The following ADIG variants were observed in gnomAD, a reference collection of about 807,000 sequenced individuals.
ADIG encodes the protein adipogenesis associated.
A neutral mutation model predicts 10.7 loss-of-function variants in ADIG; 12 were observed. The observed-to-expected ratio is 1.12, with a 90% confidence interval of 0.72 to 1.82. ADIG has a LOEUF of 1.82. ADIG is among the 40% of genes most tolerant of loss of function. The pLI is 0.00. For missense variants in ADIG, 72 were observed against 92.5 expected, an observed-to-expected ratio of 0.78 and a Z score of 0.91; for synonymous variants, 32 against 35.6, an observed-to-expected ratio of 0.90 and a Z score of 0.36.
At position 38,586,090 on chromosome 20, in the gene ADIG, T is replaced by C. The variant is rs747498524; in HGVS notation, c.186T>C (p.Ala62=). The stretch of plus-strand genomic sequence containing the variant: ...GGGAGCCCTGGAGCAAAGGCCCAGC[T>C]GAGTTTTGCTGGAAGGGGACACTCC... The part of the protein sequence containing the change: ...LDWEPWSKGP[A]EFCWKGTLHG... Residue 62 remains alanine, a synonymous_variant, in exon 2 of 3, where the codon GCT becomes GCC. Coordinates refer to ENST00000537425, the MANE Select transcript of ADIG (RefSeq NM_001393816.1). 6.2e-7 allele frequency: 1 copy of C among 1,609,716 alleles called. No individual in the cohort carries two copies. The highest frequency in any genetic ancestry group is 1.3e-5 in the African/African-American group (1 of 74,988).
chr20:38,582,510 T>C (rs1054644178), intron 1 of ADIG, among the ~76,000 whole-genome samples: 5 of 152,160 alleles, frequency 3.3e-5, no homozygotes, highest in Admixed American at 3.3e-4. Flanking sequence ...GGTCAGATGT[T>C]GTTGAGGCAG....
intron 1 of ADIG, chr20:38,585,550 A>G (rs183013664): frequency 3.8e-4 from 587 of 1,548,612 alleles, no homozygotes; most frequent in Admixed American, 6.3e-4. Context: ...CAGCTTAGTC[A>G]CCCAGATCTC....
intron 2 of ADIG, among the ~76,000 whole-genome samples, chr20:38,587,898 C>T (rs540555751): frequency 3.9e-5 from 6 of 152,134 alleles, no homozygotes; most frequent in African/African-American, 1.2e-4. Flanking sequence ...CCATCACGCC[C>T]GGCTAATTTT....
chr20:38,581,764 G>A (rs1158588727), intron 1 of ADIG, among the ~76,000 whole-genome samples: 4 of 152,234 alleles, frequency 2.6e-5, no homozygotes, highest in African/African-American at 9.6e-5. Context: ...TGAGCAGAGC[G>A]TGGGCTGGAT....
intron 1 of ADIG, among the ~76,000 whole-genome samples, chr20:38,584,881 G>A (rs943678045): frequency 3.3e-5 from 5 of 152,056 alleles, no homozygotes; most frequent in East Asian, 1.9e-4. Flanking sequence ...TGGTTCAAGC[G>A]ATTCTCCTGC....
At chr20:38,585,544 T>G in intron 1 of ADIG, 1 of 1,549,384 alleles carries the variant, frequency 6.5e-7, no homozygotes, top group South Asian at 1.2e-5. Context: ...CTCCCACAGC[T>G]TAGTCACCCA....
intron 1 of ADIG, among the ~76,000 whole-genome samples, chr20:38,584,078 C>G (rs187212142): frequency 6.6e-6 from 1 of 150,866 alleles, no homozygotes; most frequent in Admixed American, 6.6e-5. Flanking sequence ...GCCGCCTCCT[C>G]CCCACCACCC....
At chr20:38,585,546 A>G in intron 1 of ADIG, 1 of 1,549,442 alleles carries the variant, frequency 6.5e-7, no homozygotes, top group East Asian at 2.4e-5. Context: ...CCCACAGCTT[A>G]GTCACCCAGA....
intron 1 of ADIG, among the ~76,000 whole-genome samples, chr20:38,584,558 TG>T (rs1462278454): frequency 6.6e-6 from 1 of 152,032 alleles, no homozygotes; most frequent in African/African-American, 2.4e-5. Context: ...AACCGTGGAG[TG>T]GGGAGGCTGA....
intron 1 of ADIG, chr20:38,585,287 T>C: frequency 3.8e-6 from 3 of 782,704 alleles, no homozygotes; most frequent in Non-Finnish European, 6.0e-6. Context: ...CCCTCTTTTT[T>C]TCTCACCCTA....
At chr20:38,584,449 A>G (rs887554760) in intron 1 of ADIG, among the ~76,000 whole-genome samples, 1 of 152,224 alleles carries the variant, frequency 6.6e-6, no homozygotes, top group Non-Finnish European at 1.5e-5. Flanking sequence ...TGGGGCTGAA[A>G]CAGAAGAGTG....
rs1349945190 is a variant in ADIG at position 38,588,244 on chromosome 20, C to G, written c.*158C>G. ...TCCTCTTCAGACCGACATGTGAAAG[C>G]CTCCAGAGGTCCCAGCCCTTCTCCA... On this transcript the variant is annotated 3_prime_UTR_variant, in exon 3 of 3. Coordinates refer to ENST00000537425, the MANE Select transcript of ADIG (RefSeq NM_001393816.1). 5 of 1,304,418 alleles carry G rather than the reference C, an allele frequency of 3.8e-6. No individual in the cohort carries two copies. Among genetic ancestry groups the G allele is most frequent in the Non-Finnish European group, 5.1e-6 (5 of 988,958 alleles). The allele number at this position is 1,304,418 out of a possible 1,614,324, so 80.8% of individuals were successfully genotyped here. A position where few individuals can be genotyped will look rare whatever the true frequency, so the allele number is the denominator to read the frequency against.
chr20:38,585,507 G>T, intron 1 of ADIG: 2 of 1,550,628 alleles, frequency 1.3e-6, no homozygotes, highest in Non-Finnish European at 1.7e-6. Flanking sequence ...ATCAGACGGA[G>T]GGTCCGGGTC....
At chr20:38,586,209 C>A (rs541832612) in intron 2 of ADIG, 48 bp downstream of exon 2, 1 of 1,471,644 alleles carries the variant, frequency 6.8e-7, no homozygotes, top group African/African-American at 1.4e-5. Flanking sequence ...CCACCCAAAG[C>A]CTTGGGCAGC....
intron 1 of ADIG, among the ~76,000 whole-genome samples, chr20:38,582,806 T>C (rs760431165): frequency 3.3e-5 from 5 of 151,940 alleles, no homozygotes; most frequent in Non-Finnish European, 7.4e-5. Flanking sequence ...AGTTCAGATA[T>C]CATCCTTTTT....
rs1396396680 is a variant in ADIG, at chr20:38,585,793, C to G, written c.125-236C>G. On this transcript the variant is annotated intron_variant, in intron 1 of 2. Coordinates refer to ENST00000537425, the MANE Select transcript of ADIG (RefSeq NM_001393816.1). ...CATTTGCTCACCTCTGTGTCCTCCC[C>G]TCTAGATACGGCCATTTTCCAAGTC... The G allele has an allele frequency of 1.3e-5, 8 of 608,652 alleles. No homozygotes were observed. The Admixed American group carries it at 1.8e-4, about 14-fold the overall frequency. 37.7% of individuals were successfully genotyped at this position (608,652 alleles called of 1,614,324 possible). A position where few individuals can be genotyped will look rare whatever the true frequency, so the allele number is the denominator to read the frequency against.
At chr20:38,584,991 T>TAG (rs984383235) in intron 1 of ADIG, among the ~76,000 whole-genome samples, 22 of 152,354 alleles carry the variant, frequency 1.4e-4, no homozygotes, top group African/African-American at 5.3e-4. Context: ...TTGGCCAGGA[T>TAG]GGTCTCGATC....
In ADIG at chr20:38,585,601, T is replaced by C. The variant is rs1261413995; in HGVS notation, c.125-428T>C. 3 of 1,439,776 alleles carry C rather than the reference T, an allele frequency of 2.1e-6. No individual in the cohort carries two copies. The Admixed American group carries it at 6.2e-5, about 30-fold the overall frequency. The allele number at this position is 1,439,776 out of a possible 1,614,324, so 89.2% of individuals were successfully genotyped here. ...GTGGACACAGTTTCCAGGTGTTTTATTGTTCGTGTGTGCGTGTTTCATCAC... is the reference window on the plus strand; with the variant it reads ...GTGGACACAGTTTCCAGGTGTTTTACTGTTCGTGTGTGCGTGTTTCATCAC... On this transcript the variant is annotated intron_variant, in intron 1 of 2. Transcript: ENST00000537425.
chr20:38,586,815 T>G (rs964555910), intron 2 of ADIG, among the ~76,000 whole-genome samples: 10 of 151,928 alleles, frequency 6.6e-5, no homozygotes, highest in Non-Finnish European at 1.5e-4. Flanking sequence ...AGCTTACTTA[T>G]GAAATCCTAT....
Sources: gnomAD v4.1 joint callset for allele counts (sites outside exome capture counted in the v4.1 genomes callset) on GRCh38, gnomAD v4.1.1 for gene constraint, MANE v1.5 for transcripts, NCBI Gene and HGNC (gene_info 2026-07-23, HGNC 2026-07-21) for gene names.